The following MVK variants were observed in gnomAD, a reference collection of about 807,000 sequenced individuals.
The protein encoded by MVK is mevalonate kinase.
A neutral mutation model predicts 43.2 loss-of-function variants in MVK; 34 were observed. That is an observed-to-expected ratio of 0.79 (90% CI 0.60 to 1.05). The LOEUF is 1.05. Among genes scored for constraint, MVK ranks in the 50% least tolerant of loss-of-function variants. MVK has a pLI of 0.00. For missense variants in MVK, 395 were observed against 504.0 expected (o/e 0.78, Z 2.07); for synonymous variants, 190 against 219.8 (o/e 0.86, Z 1.20).
chr12:109,581,828 A>G (rs1389677478), intron 5 of MVK, among the ~76,000 whole-genome samples: 2 of 152,128 alleles, frequency 1.3e-5, no homozygotes, highest in Non-Finnish European at 2.9e-5. Context: ...TCAAGCGCCC[A>G]TGGTATGGTA....
intron 4 of MVK, among the ~76,000 whole-genome samples, chr12:109,580,459 A>G (rs1885169010): frequency 6.6e-6 from 1 of 152,082 alleles, no homozygotes. Context: ...CCCAAAGGGA[A>G]AAAAACCTCA....
rs104895379 is a variant in MVK at position 109,591,329 on chromosome 12, C to T, written c.857C>T (p.Pro286Leu). 147 of 1,614,108 alleles carry T rather than the reference C, an allele frequency of 9.1e-5. No individual in the cohort carries two copies. The highest frequency in any genetic ancestry group is 1.2e-4 in the Non-Finnish European group (136 of 1,180,052). ...ERVLGEMGEA[P>L]APEQYLVLEE... is the part of the protein sequence containing the mutation. ...GTGCTGGGAGAGATGGGGGAAGCCC[C>T]AGCCCCGGAGCAGTACCTCGTGCTG... The change falls in exon 9 of 11, where the codon CCA becomes CTA. Residue 286 changes from proline to leucine, a missense_variant. By Grantham distance (98) the Pro-to-Leu change is moderately conservative. Transcript: ENST00000228510.
chr12:109,588,578 CT>C (rs1885543957), intron 7 of MVK: 1 of 152,334 alleles, frequency 6.6e-6, no homozygotes, highest in African/African-American at 2.4e-5. Flanking sequence ...AGCTCTCCCA[CT>C]TGCCAGCTGG....
chr12:109,588,049 T>C (rs879837243), intron 7 of MVK: 1 of 152,262 alleles, frequency 6.6e-6, no homozygotes, highest in Non-Finnish European at 1.5e-5. Flanking sequence ...AACAGCTTCC[T>C]CGGGTTGCTC....
At chr12:109,578,206 A>T (rs1191811084) in intron 3 of MVK, among the ~76,000 whole-genome samples, 1 of 151,896 alleles carries the variant, frequency 6.6e-6, no homozygotes, top group Non-Finnish European at 1.5e-5. Context: ...GGTTGCAAAG[A>T]TCTACCATCT....
chr12:109,586,721 CCACAG>C (rs1426187719), intron 6 of MVK, 28 bp from the exon 7 acceptor site: 1 of 1,613,178 alleles, frequency 6.2e-7, no homozygotes, highest in Non-Finnish European at 8.5e-7. Context: ...TTAGCTTTTC[CCACAG>C]CTCTGACCCA....
At chr12:109,586,510 G>A (rs1029989980) in intron 6 of MVK, among the ~76,000 whole-genome samples, 4 of 152,206 alleles carry the variant, frequency 2.6e-5, no homozygotes, top group African/African-American at 9.7e-5. Context: ...GCTTGTCGGG[G>A]GAAGCTGGAC....
rs201123232 is a variant in MVK at position 109,581,473 on chromosome 12, G to C, written c.450G>C (p.Ser150=). Residue 150 remains serine, a synonymous_variant, in exon 5 of 11, where the codon TCG becomes TCC. Transcript: ENST00000228510. The part of the protein sequence containing the change: ...GAGLGSSAAY[S]VCLAAALLTV... ...GCTTGGGCTCCAGCGCCGCCTACTCGGTGTGTCTGGCAGCAGCCCTCCTGA... is the reference window on the plus strand; with the variant it reads ...GCTTGGGCTCCAGCGCCGCCTACTCCGTGTGTCTGGCAGCAGCCCTCCTGA... The C allele has an allele frequency of 4.3e-6, 7 of 1,614,166 alleles. No homozygotes were observed. The East Asian group carries it at 1.1e-4, about 26-fold the overall frequency.
intron 9 of MVK, among the ~76,000 whole-genome samples, chr12:109,594,076 C>A (rs1023298758): frequency 1.4e-4 from 22 of 151,810 alleles, no homozygotes; most frequent in Non-Finnish European, 2.5e-4. Flanking sequence ...GTGCAGAAGA[C>A]CTTGCTCAAG....
chr12:109,580,942 T>G (rs1484215724), intron 4 of MVK, among the ~76,000 whole-genome samples: 1 of 151,148 alleles, frequency 6.6e-6, no homozygotes, highest in Non-Finnish European at 1.5e-5. Flanking sequence ...GCCAGGAGGG[T>G]CTTTGTGGGC....
At chr12:109,582,345 TTTG>T (rs1480383939) in intron 5 of MVK, among the ~76,000 whole-genome samples, 1 of 151,834 alleles carries the variant, frequency 6.6e-6, no homozygotes, top group Admixed American at 6.6e-5. Flanking sequence ...TGTTTGTTTG[TTTG>T]TTTTTTGAGA....
At chr12:109,593,876 C>T (rs1306638102) in intron 9 of MVK, among the ~76,000 whole-genome samples, 1 of 151,792 alleles carries the variant, frequency 6.6e-6, no homozygotes, top group Non-Finnish European at 1.5e-5. Context: ...CGCCAACATA[C>T]GTGGCTGATT....
At chr12:109,586,581 C>T (rs570542354) in intron 6 of MVK, among the ~76,000 whole-genome samples, 173 bp from the exon 7 acceptor site, 3 of 152,292 alleles carry the variant, frequency 2.0e-5, no homozygotes, top group East Asian at 3.9e-4. Context: ...GGTGGGGCTT[C>T]GGGGACCTTT....
intron 4 of MVK, among the ~76,000 whole-genome samples, chr12:109,581,040 G>A (rs555480916): frequency 1.7e-3 from 252 of 152,276 alleles, no homozygotes; most frequent in African/African-American, 5.7e-3. Flanking sequence ...GGAGGTGCAC[G>A]GCTATTGCAG....
Position 109,578,053 on chromosome 12 carries a change from C to T in MVK, c.227-1749C>T, listed in dbSNP as rs529693312. Among the ~76,000 whole-genome samples the T allele has an allele frequency of 4.6e-5, 7 of 152,244 alleles. No homozygotes were observed. The East Asian group carries it at 1.4e-3, about 29-fold the overall frequency. The stretch of plus-strand genomic sequence containing the variant: ...GCAGGTCACTTCATCCTCTGGGCCT[C>T]GGAGCAGAGACATGTTTCCTGACTG... On this transcript the variant is annotated intron_variant, in intron 3 of 10. Transcript: ENST00000228510.
chr12:109,592,542 C>T (rs1016930996), intron 9 of MVK, among the ~76,000 whole-genome samples: 4 of 152,238 alleles, frequency 2.6e-5, no homozygotes, highest in Non-Finnish European at 5.9e-5. Flanking sequence ...GAGTCTGTAG[C>T]CCCTGTGCTG....
Position 109,581,535 on chromosome 12 carries a change from G to A in MVK, c.512G>A (p.Gly171Glu), listed in dbSNP as rs753599820. ...GAGATCCCAAACCCGCTGAAGGACGGGGATTGCGTCAACAGGTAACCATGG... is the reference window on the plus strand; with the variant it reads ...GAGATCCCAAACCCGCTGAAGGACGAGGATTGCGTCAACAGGTAACCATGG... The part of the protein sequence containing the change: ...CEEIPNPLKD[G>E]DCVNRWTKED... The change falls in exon 5 of 11, where the codon GGG (glycine) becomes GAG (glutamate). Residue 171 changes from glycine (G) to glutamate (E), a missense_variant. Physicochemically the swap from Gly to Glu is moderately conservative, Grantham distance 98 (BLOSUM62 -2). Transcript: ENST00000228510. 2.0e-5 allele frequency: 33 copies of A among 1,614,072 alleles called. No individual in the cohort carries two copies. In the Admixed American group the frequency reaches 5.5e-4, roughly 27 times the overall value.
intron 7 of MVK, chr12:109,588,412 G>C (rs566062427): frequency 5.9e-5 from 9 of 152,314 alleles, no homozygotes; most frequent in African/African-American, 2.2e-4. Flanking sequence ...TGATGAAGAC[G>C]TGGGCTGGGC....
chr12:109,591,165 A>AC, intron 8 of MVK, 76 bp from the exon 9 acceptor site: 1 of 1,366,444 alleles, frequency 7.3e-7, no homozygotes, highest in South Asian at 1.2e-5. Flanking sequence ...TCCTCCCTCC[A>AC]CCCCACTGCT....
Sources: allele counts gnomAD v4.1 joint callset (sites outside exome capture counted in the v4.1 genomes callset), GRCh38; gene constraint gnomAD v4.1.1; transcripts MANE v1.5; gene names NCBI Gene and HGNC (gene_info 2026-07-23, HGNC 2026-07-21).